PRR5: variants seen among roughly 807,000 people sequenced by gnomAD.
PRR5 encodes the protein proline rich 5.
Under a neutral mutation model 30.6 loss-of-function variants are expected in PRR5, and 25 were observed. The observed-to-expected ratio is 0.82, with a 90% CI of 0.60 to 1.14. The LOEUF (loss-of-function observed/expected upper bound fraction) is 1.14. PRR5 is among the 50% of genes most tolerant of loss of function. PRR5 has a pLI of 0.00. For synonymous variants in PRR5, 286 were observed against 247.1 expected (o/e 1.16, Z -1.48); for missense variants, 600 against 547.1 (o/e 1.10, Z -0.96).
At chr22:44,683,502 G>A (rs1924471956) in intron 1 of PRR5, among the ~76,000 whole-genome samples, 1 of 152,246 alleles carries the variant, frequency 6.6e-6, no homozygotes, top group Non-Finnish European at 1.5e-5. Flanking sequence ...AGATCTGAAT[G>A]AGGAGCCCCC....
chr22:44,696,199 C>G (rs1280665770), intron 1 of PRR5, among the ~76,000 whole-genome samples: 5 of 152,134 alleles, frequency 3.3e-5, no homozygotes, highest in Non-Finnish European at 5.9e-5. Flanking sequence ...GCTGGCATAA[C>G]AGGCATGAGC....
At chr22:44,729,008 C>T (rs1239207854) in intron 4 of PRR5, among the ~76,000 whole-genome samples, 2 of 152,168 alleles carry the variant, frequency 1.3e-5, no homozygotes, top group South Asian at 2.1e-4. Context: ...TTAAGGGAAT[C>T]GGCTCCAGCT....
intron 4 of PRR5, chr22:44,729,743 G>T: frequency 1.0e-6 from 1 of 985,496 alleles, no homozygotes; most frequent in Non-Finnish European, 1.2e-6. Flanking sequence ...TCACCGTGTG[G>T]CTCCAGCTGG....
chr22:44,675,415 G>A (rs553354644), upstream of PRR5, among the ~76,000 whole-genome samples: 2 of 152,280 alleles, frequency 1.3e-5, no homozygotes, highest in South Asian at 2.1e-4. Flanking sequence ...TTCACTCGGT[G>A]TAATATCGTG....
In PRR5 at chr22:44,732,388, G is replaced by A; in HGVS notation, c.552G>A (p.Leu184=). ...PPAIVQMLLV[L]QGVHESRGVT... is the part of the protein sequence containing the mutation. ...CCATCGTGCAGATGCTGCTGGTGCT[G>A]CAGGTGGGCACAGTGGGCAGAGGGT... Residue 184 remains leucine, a synonymous_variant, in exon 6 of 8, where the codon CTG becomes CTA. Coordinates refer to ENST00000336985, the MANE Select transcript of PRR5 (RefSeq NM_181333.4). The A allele has an allele frequency of 1.9e-6, 3 of 1,608,104 alleles. No homozygotes were observed. The highest frequency in any genetic ancestry group is 2.0e-4 in the Middle Eastern group (1 of 4,906).
chr22:44,686,696 A>G (rs1924784514), intron 1 of PRR5, among the ~76,000 whole-genome samples: 1 of 152,106 alleles, frequency 6.6e-6, no homozygotes, highest in Admixed American at 6.6e-5. Context: ...TTGTATTTTT[A>G]GTAGAGATGG....
At chr22:44,692,520 TG>T (rs1384686404) in intron 1 of PRR5, among the ~76,000 whole-genome samples, 1 of 111,782 alleles carries the variant, frequency 8.9e-6, no homozygotes, top group Admixed American at 8.7e-5. Context: ...CTCCTCCTCC[TG>T]GGGGCTCCTC....
At chr22:44,721,274 A>G (rs937147956) in intron 2 of PRR5, among the ~76,000 whole-genome samples, 21 of 152,242 alleles carry the variant, frequency 1.4e-4, no homozygotes, top group Admixed American at 1.4e-3. Context: ...GCCAGGTTAC[A>G]GAATTTTCTG....
chr22:44,671,890 C>G (rs1923449678), intron 1 of PRR5, among the ~76,000 whole-genome samples: 1 of 152,218 alleles, frequency 6.6e-6, no homozygotes, highest in South Asian at 2.1e-4. Context: ...GGTGCTTGAA[C>G]AATCCCAGTT....
At chr22:44,675,417 A>G (rs1423693296), upstream of PRR5, among the ~76,000 whole-genome samples, 1 of 152,108 alleles carries the variant, frequency 6.6e-6, no homozygotes, top group Non-Finnish European at 1.5e-5. Context: ...CACTCGGTGT[A>G]ATATCGTGAG....
chr22:44,731,230 G>C (rs1255731415), intron 4 of PRR5: 1 of 216,288 alleles, frequency 4.6e-6, no homozygotes, highest in African/African-American at 2.4e-5. Flanking sequence ...AGGTGTACCT[G>C]TGTGGGTCTT....
chr22:44,705,481 G>A (rs1015104318), intron 1 of PRR5, among the ~76,000 whole-genome samples: 29 of 151,766 alleles, frequency 1.9e-4, no homozygotes, highest in Admixed American at 1.8e-3. Context: ...CCACCACCAC[G>A]CCCGGCTAAT....
intron 3 of PRR5, among the ~76,000 whole-genome samples, chr22:44,725,882 T>C (rs1459556920): frequency 1.3e-5 from 2 of 152,206 alleles, no homozygotes; most frequent in African/African-American, 4.8e-5. Flanking sequence ...CAGGCTGGTC[T>C]CAAACTCCTG....
chr22:44,696,621 T>TA (rs1925767980), intron 1 of PRR5, among the ~76,000 whole-genome samples: 1 of 152,148 alleles, frequency 6.6e-6, no homozygotes, highest in Admixed American at 6.5e-5. Flanking sequence ...AGGGCTCAGA[T>TA]GGAGTCCTGG....
At chr22:44,712,514 A>G (rs1928409539) in intron 1 of PRR5, among the ~76,000 whole-genome samples, 2 of 152,190 alleles carry the variant, frequency 1.3e-5, no homozygotes, top group Admixed American at 6.5e-5. Context: ...GCCTGGGAGA[A>G]GGAGCACAGG....
chr22:44,707,738 G>A (rs1051512531), intron 1 of PRR5, among the ~76,000 whole-genome samples: 1 of 152,208 alleles, frequency 6.6e-6, no homozygotes, highest in South Asian at 2.1e-4. Flanking sequence ...CCCCAGCTGG[G>A]GGTGGGAGGA....
chr22:44,677,668 G>A (rs1923886050), intron 1 of PRR5, among the ~76,000 whole-genome samples: 1 of 152,174 alleles, frequency 6.6e-6, no homozygotes, highest in African/African-American at 2.4e-5. Context: ...CATGTCAGAT[G>A]GACCTTCCCT....
At chr22:44,731,082 C>G (rs1220320125) in intron 4 of PRR5, 5 of 295,852 alleles carry the variant, frequency 1.7e-5, no homozygotes, top group Admixed American at 1.3e-4. Context: ...AAGAAATCAA[C>G]TGCTTAGCCG....
intron 4 of PRR5, among the ~76,000 whole-genome samples, chr22:44,728,747 C>T (rs577901496): frequency 1.3e-5 from 2 of 152,336 alleles, no homozygotes; most frequent in South Asian, 4.1e-4. Flanking sequence ...CACTTTGAGC[C>T]TGCTCCTTGC....
Sources: allele counts gnomAD v4.1 joint callset (sites outside exome capture counted in the v4.1 genomes callset), GRCh38; gene constraint gnomAD v4.1.1; transcripts MANE v1.5; gene names NCBI Gene and HGNC (gene_info 2026-07-23, HGNC 2026-07-21).